The following CTNNA3 variants were observed in gnomAD, a reference collection of about 807,000 sequenced individuals.
CTNNA3 encodes the protein catenin alpha 3.
CTNNA3 carries 76 observed loss-of-function variants against 95.7 expected under a neutral mutation model. That is an observed-to-expected ratio of 0.79 (90% CI 0.66 to 0.96). CTNNA3 has a LOEUF of 0.96. Among genes scored for constraint, CTNNA3 ranks in the 40% least tolerant of loss-of-function variants. The probability of loss-of-function intolerance (pLI) is 0.00; values close to 1 mark genes in which losing one functional copy is unlikely to be tolerated. For synonymous variants in CTNNA3, 431 were observed against 374.4 expected, an observed-to-expected ratio of 1.15 and a Z score of -1.74; for missense variants, 1,191 against 1,089.8, an observed-to-expected ratio of 1.09 and a Z score of -1.31.
At chr10:67,622,111 G>A (rs929224418) in intron 2 of CTNNA3, among the ~76,000 whole-genome samples, 1 of 152,196 alleles carries the variant, frequency 6.6e-6, no homozygotes, top group Non-Finnish European at 1.5e-5. Context: ...GCCCCGGGGA[G>A]TCTATGAAGG....
intron 7 of CTNNA3, among the ~76,000 whole-genome samples, chr10:66,945,814 G>C (rs1468621978): frequency 6.6e-6 from 1 of 152,122 alleles, no homozygotes; most frequent in African/African-American, 2.4e-5. Flanking sequence ...CAACTTTGAT[G>C]TGTCTCAGGG....
At chr10:67,002,797 A>G (rs1851760350) in intron 7 of CTNNA3, among the ~76,000 whole-genome samples, 3 of 152,186 alleles carry the variant, frequency 2.0e-5, no homozygotes, top group Admixed American at 6.6e-5. Context: ...AATAAACACA[A>G]TTAGGTTTTA....
chr10:67,219,470 C>G, intron 6 of CTNNA3, 137 bp downstream of exon 6: 1 of 906,694 alleles, frequency 1.1e-6, no homozygotes, highest in Non-Finnish European at 1.6e-6. Context: ...TTGGAAGACT[C>G]AAGAAGGTGA....
upstream of CTNNA3, among the ~76,000 whole-genome samples, chr10:67,700,077 G>A (rs1015410147): frequency 5.3e-5 from 8 of 152,216 alleles, no homozygotes; most frequent in Non-Finnish European, 8.8e-5. Context: ...GGGGAGGGGC[G>A]CCCGCCATTG....
At chr10:67,699,892 C>T (rs1467512685), upstream of CTNNA3, among the ~76,000 whole-genome samples, 1 of 152,246 alleles carries the variant, frequency 6.6e-6, no homozygotes, top group African/African-American at 2.4e-5. Flanking sequence ...TGACAGACGG[C>T]ACCTGGAAAA....
At chr10:66,000,281 C>T (rs11599758) in intron 15 of CTNNA3, among the ~76,000 whole-genome samples, 18,599 of 152,054 alleles carry the variant, frequency 0.12, 1,221 homozygotes, top group East Asian at 0.2. Flanking sequence ...TATCCCTGAC[C>T]TCATCTCATT....
At chr10:67,030,265 C>T (rs1398941272) in intron 7 of CTNNA3, among the ~76,000 whole-genome samples, 2 of 152,108 alleles carry the variant, frequency 1.3e-5, no homozygotes, top group South Asian at 2.1e-4. Flanking sequence ...CTCTGTTAAA[C>T]AATGTTTAAA....
chr10:67,311,103 T>A (rs1840777457), intron 5 of CTNNA3, among the ~76,000 whole-genome samples: 1 of 152,146 alleles, frequency 6.6e-6, no homozygotes, highest in Non-Finnish European at 1.5e-5. Context: ...TTCTGCGCCT[T>A]AAAAGAGGTG....
intron 13 of CTNNA3, among the ~76,000 whole-genome samples, chr10:66,147,534 T>C (rs1008760918): frequency 6.6e-6 from 1 of 151,378 alleles, no homozygotes; most frequent in African/African-American, 2.4e-5. Context: ...TTTTAAAGGC[T>C]ACATAATACT....
chr10:66,822,499 A>C (rs2132295425), intron 7 of CTNNA3, among the ~76,000 whole-genome samples: 1 of 152,328 alleles, frequency 6.6e-6, no homozygotes, highest in Middle Eastern at 3.4e-3. Context: ...ACAATTAATG[A>C]AGCACACCCA....
At chr10:67,619,729 T>A (rs943364105) in intron 2 of CTNNA3, among the ~76,000 whole-genome samples, 5 of 152,144 alleles carry the variant, frequency 3.3e-5, no homozygotes, top group African/African-American at 9.7e-5. Flanking sequence ...AAAGCTGTAA[T>A]GGCTCTCAAC....
intron 7 of CTNNA3, among the ~76,000 whole-genome samples, 153 bp from the exon 8 acceptor site, chr10:66,775,677 A>G (rs764284015): frequency 5.3e-5 from 8 of 152,200 alleles, no homozygotes; most frequent in Non-Finnish European, 7.4e-5. Flanking sequence ...CATTTCACTT[A>G]AGACTAAGTA....
intron 13 of CTNNA3, among the ~76,000 whole-genome samples, chr10:66,223,970 G>A (rs571233082): frequency 1.6e-4 from 25 of 152,208 alleles, no homozygotes; most frequent in Middle Eastern, 3.4e-3. Flanking sequence ...GCTGAGATGG[G>A]AGGATCACTT....
chr10:66,301,688 T>C (rs1589053412), intron 12 of CTNNA3, among the ~76,000 whole-genome samples: 1 of 151,836 alleles, frequency 6.6e-6, no homozygotes, highest in Non-Finnish European at 1.5e-5. Flanking sequence ...GTAAGAACTC[T>C]CAGCAAAGTA....
intron 7 of CTNNA3, among the ~76,000 whole-genome samples, chr10:66,939,973 C>A (rs1847911607): frequency 6.6e-6 from 1 of 152,088 alleles, no homozygotes; most frequent in African/African-American, 2.4e-5. Context: ...ACGCATCTTG[C>A]TTAAGATAAA....
chr10:67,072,024 C>T (rs772224033), intron 7 of CTNNA3, among the ~76,000 whole-genome samples: 3 of 152,214 alleles, frequency 2.0e-5, no homozygotes, highest in Admixed American at 6.5e-5. Context: ...ACGATCTCAG[C>T]GCACTGCAAT....
chr10:67,306,280 G>T (rs1362445990), intron 5 of CTNNA3, among the ~76,000 whole-genome samples: 3 of 152,076 alleles, frequency 2.0e-5, no homozygotes, highest in Non-Finnish European at 2.9e-5. Context: ...AAATAGGATT[G>T]TATTCTTCTT....
At chr10:66,996,664 A>AAAAAAAAAAC (rs1851368759) in intron 7 of CTNNA3, among the ~76,000 whole-genome samples, 1 of 150,730 alleles carries the variant, frequency 6.6e-6, no homozygotes, top group African/African-American at 2.4e-5. Flanking sequence ...AAAAAAAAAA[A>AAAAAAAAAAC]AAAAAAAGCA....
At chr10:67,139,741 A>C (rs1399909742) in intron 7 of CTNNA3, among the ~76,000 whole-genome samples, 1 of 152,180 alleles carries the variant, frequency 6.6e-6, no homozygotes, top group African/African-American at 2.4e-5. Context: ...TAAAAGCCAA[A>C]TATAAATCCA....
Sources: gnomAD v4.1 joint callset for allele counts (sites outside exome capture counted in the v4.1 genomes callset) on GRCh38, gnomAD v4.1.1 for gene constraint, MANE v1.5 for transcripts, NCBI Gene and HGNC (gene_info 2026-07-23, HGNC 2026-07-21) for gene names.